Variants in LIMCH1 observed in about 807,000 individuals in gnomAD.
LIMCH1 encodes LIM and calponin homology domains-containing protein 1.
A neutral mutation model predicts 176.5 loss-of-function variants in LIMCH1; 113 were observed. The observed-to-expected ratio is 0.64, with a 90% CI of 0.55 to 0.75. LIMCH1 has a LOEUF of 0.75. Among genes scored for constraint, LIMCH1 ranks in the 30% least tolerant of loss-of-function variants. The pLI, the probability that LIMCH1 is intolerant of heterozygous loss-of-function variation, is 0.00. For missense variants in LIMCH1, 1,674 were observed against 1,814.9 expected (o/e 0.92, Z 1.41); for synonymous variants, 619 against 645.9 (o/e 0.96, Z 0.63).
intron 1 of LIMCH1, among the ~76,000 whole-genome samples, chr4:41,544,461 C>T (rs1199714463): frequency 6.6e-6 from 1 of 152,158 alleles, no homozygotes; most frequent in Non-Finnish European, 1.5e-5. Context: ...TCGAGGGGAG[C>T]AGTTGAGTCT....
intron 2 of LIMCH1, among the ~76,000 whole-genome samples, chr4:41,516,013 T>G (rs970765253): frequency 1.3e-5 from 2 of 152,244 alleles, no homozygotes; most frequent in South Asian, 4.1e-4. Flanking sequence ...AGCACAATGA[T>G]GATTGCATGT....
chr4:41,522,943 C>T (rs936113125), intron 2 of LIMCH1, among the ~76,000 whole-genome samples: 7 of 152,020 alleles, frequency 4.6e-5, no homozygotes, highest in African/African-American at 1.7e-4. Context: ...CTTGGCTCTC[C>T]GTGGGCAAAA....
Position 41,444,311 on chromosome 4 carries a change from TATACACACAC to T in LIMCH1, c.97-50223_97-50214del, listed in dbSNP as rs1370773756. ...ATGTGTGTGAGTGTGTGTGTATATA[TATACACACAC>T]ACACACACACACACACACACACACA... On this transcript the variant is annotated intron_variant, in intron 1 of 26. Transcript: ENST00000313860. Among the ~76,000 whole-genome samples the T allele has an allele frequency of 1.3e-3, 91 of 71,204 alleles. No individual in the cohort carries two copies. In the South Asian group the frequency reaches 0.019, roughly 15 times the overall value. 46.7% of individuals were successfully genotyped at this position (71,204 alleles called of 152,430 possible).
At chr4:41,616,555 A>G (rs1214072558) in intron 5 of LIMCH1, among the ~76,000 whole-genome samples, 1 of 151,760 alleles carries the variant, frequency 6.6e-6, no homozygotes, top group African/African-American at 2.4e-5. Context: ...TAATAATAAA[A>G]TAAAGAAAAT....
chr4:41,388,918 C>T (rs1053178962), intron 1 of LIMCH1, among the ~76,000 whole-genome samples: 2 of 152,232 alleles, frequency 1.3e-5, no homozygotes, highest in African/African-American at 2.4e-5. Context: ...GCTGGGATTA[C>T]AGGCGTGAGC....
intron 1 of LIMCH1, among the ~76,000 whole-genome samples, chr4:41,483,727 G>T (rs2069044982): frequency 6.6e-6 from 1 of 152,184 alleles, no homozygotes; most frequent in Non-Finnish European, 1.5e-5. Context: ...CTTTGTATCT[G>T]CCTGGAGCGC....
At chr4:41,387,664 G>C (rs1465634325) in intron 1 of LIMCH1, among the ~76,000 whole-genome samples, 5 of 152,190 alleles carry the variant, frequency 3.3e-5, no homozygotes, top group Non-Finnish European at 5.9e-5. Context: ...GTTTTATTCA[G>C]CATTTGATGA....
Position 41,620,704 on chromosome 4 carries a change from TGA to T in LIMCH1, c.725+16_725+17del. On this transcript the variant is annotated intron_variant, in intron 7 of 31. Transcript: ENST00000503057. ...GCGCTTTGCCAGGTCAGCTCTGGGC[TGA>T]GGGCTGGCCCGGCTGGCTTTCTGCA... 5 of 1,524,354 alleles carry T rather than the reference TGA, an allele frequency of 3.3e-6. No homozygotes were observed. The highest frequency in any genetic ancestry group is 4.4e-6 in the Non-Finnish European group (5 of 1,139,530). 94.4% of individuals were successfully genotyped at this position (1,524,354 alleles called of 1,614,324 possible).
chr4:41,627,638 C>T (rs148727751), intron 8 of LIMCH1, among the ~76,000 whole-genome samples: 30 of 152,284 alleles, frequency 2.0e-4, no homozygotes, highest in African/African-American at 6.7e-4. Context: ...ACATTTTCCC[C>T]GTCCTCTTAA....
rs1274338232 is a variant in LIMCH1 at position 41,360,989 on chromosome 4, C to A, written c.96+53C>A. On this transcript the variant is annotated intron_variant, in intron 1 of 26. Coordinates refer to the LIMCH1 transcript ENST00000313860. The surrounding 1 kb of genome is among the most constrained non-coding windows in gnomAD (Gnocchi z 4.5). Reference sequence around the variant, plus strand: ...TTGCACTGGCGCCCTGAGCCACGGACCCGCGCACGCTCCGACCGCAGGTCC... The same window carrying A: ...TTGCACTGGCGCCCTGAGCCACGGAACCGCGCACGCTCCGACCGCAGGTCC... The A allele has an allele frequency of 3.0e-5, 40 of 1,343,948 alleles. No individual in the cohort carries two copies. The highest frequency in any genetic ancestry group is 4.0e-5 in the Non-Finnish European group (39 of 985,958). 83.3% of individuals were successfully genotyped at this position (1,343,948 alleles called of 1,614,324 possible).
At chr4:41,444,313 T>TAC (rs71198657) in intron 1 of LIMCH1, among the ~76,000 whole-genome samples, 1,394 of 134,174 alleles carry the variant, frequency 0.01, 8 homozygotes, top group East Asian at 0.034. Flanking sequence ...TGTATATATA[T>TAC]ACACACACAC....
intron 18 of LIMCH1, among the ~76,000 whole-genome samples, chr4:41,652,594 A>G (rs1016282814): frequency 6.6e-6 from 1 of 152,220 alleles, no homozygotes; most frequent in African/African-American, 2.4e-5. Context: ...AGAAGACCCC[A>G]AATTAATTAG....
rs2092987031 is a variant in LIMCH1, at chr4:41,626,830, T to G, written c.848T>G (p.Leu283Arg). The change falls in exon 8 of 32, where the codon CTG becomes CGG. Residue 283 changes from leucine (L) to arginine (R), a missense_variant. Leu to Arg is a moderately radical substitution (Grantham distance 102). Coordinates refer to ENST00000503057, the MANE Select transcript of LIMCH1 (RefSeq NM_001330672.2). ...SEAEGEVVCR[L>R]PDLEKDDFAA... ...GCAGAAGGTGAAGTTGTGTGTCGAC[T>G]GCCTGATCTTGAGAAGGATGACTTT... The G allele has an allele frequency of 1.3e-6, 2 of 1,536,122 alleles. No individual in the cohort carries two copies. Among genetic ancestry groups the G allele is most frequent in the Non-Finnish European group, 8.7e-7 (1 of 1,146,946 alleles).
At chr4:41,672,481 T>G (rs78598422) in intron 22 of LIMCH1, among the ~76,000 whole-genome samples, 13,779 of 152,252 alleles carry the variant, frequency 0.091, 751 homozygotes, top group South Asian at 0.14. Context: ...GGATAATACT[T>G]GAACATAGTA....
Position 41,565,346 on chromosome 4 carries a change from TACACACACACAC to T in LIMCH1, c.-241+27022_-241+27033del, listed in dbSNP as rs34056313. Among the ~76,000 whole-genome samples the T allele has an allele frequency of 6.2e-5, 8 of 128,610 alleles. No individual in the cohort carries two copies. The East Asian group carries it at 1.1e-3, about 18-fold the overall frequency. The allele number at this position is 128,610 out of a possible 152,430, so 84.4% of individuals were successfully genotyped here. The stretch of plus-strand genomic sequence containing the variant: ...ATAGTTAGAAGTTAGCTATTTCGGA[TACACACACACAC>T]ACACACACACACACACACACACACA... On this transcript the variant is annotated intron_variant, in intron 1 of 31. Transcript: ENST00000503057.
chr4:41,551,540 T>C (rs2080424584), intron 1 of LIMCH1: 1 of 152,116 alleles, frequency 6.6e-6, no homozygotes, highest in African/African-American at 2.4e-5. Context: ...CGAGATGAAA[T>C]TAGAGTGTTT....
Position 41,549,604 on chromosome 4 carries a change from C to T in LIMCH1, c.-241+11254C>T, listed in dbSNP as rs754720362. On this transcript the variant is annotated intron_variant, in intron 1 of 31. Coordinates refer to ENST00000503057, the MANE Select transcript of LIMCH1 (RefSeq NM_001330672.2). ...GTGCAATGAAGCTAAACAATTTGGC[C>T]AAAATAACCCAGCTAGCGTATGACA... is the stretch of plus-strand genomic sequence containing the variant. 2.2e-4 allele frequency among the ~76,000 whole-genome samples: 33 copies of T among 152,118 alleles called. 1 individual carries two copies. The highest frequency in any genetic ancestry group is 6.8e-3 in the Middle Eastern group (2 of 294).
At chr4:41,683,672 C>T (rs2153054986) in intron 26 of LIMCH1, among the ~76,000 whole-genome samples, 1 of 152,290 alleles carries the variant, frequency 6.6e-6, no homozygotes, top group African/African-American at 2.4e-5. Flanking sequence ...TTCTCCTATG[C>T]TCATCAGCTA....
intron 1 of LIMCH1, among the ~76,000 whole-genome samples, chr4:41,412,713 ACT>A (rs1173709141): frequency 6.6e-6 from 1 of 151,990 alleles, no homozygotes; most frequent in Non-Finnish European, 1.5e-5. Flanking sequence ...AGACCAAGAG[ACT>A]CTGGGGAAGT....
Sources: allele counts gnomAD v4.1 joint callset (sites outside exome capture counted in the v4.1 genomes callset), GRCh38; gene constraint gnomAD v4.1.1; non-coding constraint Gnocchi (gnomAD v3.1); transcripts MANE v1.5; gene names NCBI Gene and HGNC (gene_info 2026-07-23, HGNC 2026-07-21).